Variants in PRKCB observed in about 807,000 individuals in gnomAD.
The protein encoded by PRKCB is protein kinase C beta, also known as protein kinase C beta type.
In PRKCB, 13 loss-of-function variants were observed where a neutral mutation model predicts 81.5. That is an observed-to-expected ratio of 0.16 (90% CI 0.10 to 0.25). PRKCB has a LOEUF of 0.25. PRKCB is among the 10% of genes least tolerant of loss of function. The pLI is 1.00. For missense variants in PRKCB, 509 were observed against 875.7 expected (o/e 0.58, Z 5.29); for synonymous variants, 335 against 321.4 (o/e 1.04, Z -0.45).
intron 2 of PRKCB, among the ~76,000 whole-genome samples, chr16:23,885,691 G>C (rs967250588): frequency 6.6e-6 from 1 of 152,120 alleles, no homozygotes; most frequent in Admixed American, 6.6e-5. Context: ...AAGCTACCCA[G>C]CTCCTTCCCC....
chr16:24,184,488 C>T (rs1429372605), intron 13 of PRKCB, among the ~76,000 whole-genome samples: 1 of 151,658 alleles, frequency 6.6e-6, no homozygotes, highest in African/African-American at 2.4e-5. Flanking sequence ...GAAAAAAAAT[C>T]GTCCAAATAC....
At chr16:24,069,198 G>C (rs1966077223) in intron 5 of PRKCB, among the ~76,000 whole-genome samples, 1 of 152,194 alleles carries the variant, frequency 6.6e-6, no homozygotes, top group Admixed American at 6.5e-5. Context: ...ATTTGGTATA[G>C]AAAGTGGCTT....
intron 2 of PRKCB, among the ~76,000 whole-genome samples, chr16:23,892,681 G>A (rs940913465): frequency 2.2e-4 from 34 of 152,090 alleles, no homozygotes; most frequent in African/African-American, 6.5e-4. Flanking sequence ...AGTGCCTACC[G>A]GTATACAGCA....
intron 5 of PRKCB, among the ~76,000 whole-genome samples, chr16:24,047,067 G>A (rs547168871): frequency 4.6e-4 from 70 of 152,144 alleles, no homozygotes; most frequent in African/African-American, 1.3e-3. Context: ...GGCAGGGTGC[G>A]GTGGCTCATG....
At chr16:24,023,454 T>C (rs978401879) in intron 3 of PRKCB, among the ~76,000 whole-genome samples, 13 of 152,196 alleles carry the variant, frequency 8.5e-5, no homozygotes, top group African/African-American at 2.7e-4. Flanking sequence ...CTGCAAGCTC[T>C]GCCTCCCAGG....
intron 2 of PRKCB, among the ~76,000 whole-genome samples, chr16:23,921,071 A>G (rs1963818013): frequency 6.6e-6 from 1 of 152,160 alleles, no homozygotes; most frequent in Non-Finnish European, 1.5e-5. Flanking sequence ...ATTCACTACC[A>G]TGAGAACAGT....
At chr16:24,109,161 AC>A in intron 7 of PRKCB, among the ~76,000 whole-genome samples, 1 of 85,626 alleles carries the variant, frequency 1.2e-5, no homozygotes, top group African/African-American at 4.4e-5. Flanking sequence ...CGGGGGGCTG[AC>A]CCCCCCACCT....
chr16:24,125,631 T>C (rs1966842165), intron 9 of PRKCB, among the ~76,000 whole-genome samples: 3 of 152,208 alleles, frequency 2.0e-5, no homozygotes, highest in Non-Finnish European at 4.4e-5. Flanking sequence ...TCCTTGTTGA[T>C]TTTTTCTCTC....
chr16:24,025,646 G>A (rs180972361), intron 3 of PRKCB, among the ~76,000 whole-genome samples: 1 of 152,346 alleles, frequency 6.6e-6, no homozygotes, highest in East Asian at 1.9e-4. Flanking sequence ...TAGAATATAA[G>A]TTCCATGAAA....
At chr16:23,972,797 C>T (rs990147613) in intron 2 of PRKCB, among the ~76,000 whole-genome samples, 13 of 152,272 alleles carry the variant, frequency 8.5e-5, no homozygotes, top group African/African-American at 2.9e-4. Context: ...CAATTAAATA[C>T]TGAGCTCCTG....
chr16:24,019,427 T>C (rs1432979776), intron 3 of PRKCB, among the ~76,000 whole-genome samples: 2 of 152,200 alleles, frequency 1.3e-5, no homozygotes, highest in Non-Finnish European at 2.9e-5. Flanking sequence ...CCATGTAATA[T>C]ACACACCTCA....
In PRKCB at chr16:24,089,631, G is replaced by A. The variant is rs1398034626; in HGVS notation, c.530-3160G>A. Among the ~76,000 whole-genome samples the A allele has an allele frequency of 2.0e-5, 3 of 152,032 alleles. No individual in the cohort carries two copies. In the East Asian group the frequency reaches 5.8e-4, roughly 29 times the overall value. On this transcript the variant is annotated intron_variant, in intron 5 of 16. Coordinates refer to ENST00000643927, the MANE Select transcript of PRKCB (RefSeq NM_002738.7). ...CAAAAATTTTTTTAAAAATTAGTTA[G>A]GCATAGGTTGGCAAGCACCTGTAGT... is the stretch of plus-strand genomic sequence containing the variant.
intron 2 of PRKCB, among the ~76,000 whole-genome samples, chr16:23,926,494 TAATA>T (rs941220320): frequency 2.6e-5 from 4 of 151,268 alleles, no homozygotes; most frequent in East Asian, 1.9e-4. Context: ...AAAAAATAAA[TAATA>T]AATAAATAAA....
At chr16:24,078,143 G>A (rs1267709164) in intron 5 of PRKCB, among the ~76,000 whole-genome samples, 1 of 152,254 alleles carries the variant, frequency 6.6e-6, no homozygotes, top group Non-Finnish European at 1.5e-5. Flanking sequence ...CGACTCTGCA[G>A]CTCCAGGGAC....
At position 24,088,051 on chromosome 16, in the gene PRKCB, A is replaced by G. The variant is rs527957048; in HGVS notation, c.530-4740A>G. Among the ~76,000 whole-genome samples, 8 of 152,338 alleles carry G rather than the reference A, an allele frequency of 5.3e-5. No homozygotes were observed. The South Asian group carries it at 1.2e-3, about 24-fold the overall frequency. ...GTTTCAACAAAGATAGTAAAGAAAC[A>G]TTTATCAAGAAAAATCAAAGTCGGT... On this transcript the variant is annotated intron_variant, in intron 5 of 16. Coordinates refer to ENST00000643927, the MANE Select transcript of PRKCB (RefSeq NM_002738.7).
At chr16:23,959,958 T>C (rs577538609) in intron 2 of PRKCB, among the ~76,000 whole-genome samples, 9 of 152,258 alleles carry the variant, frequency 5.9e-5, no homozygotes, top group Admixed American at 2.6e-4. Flanking sequence ...ACCCTTCCAT[T>C]TCATTGCATT....
intron 9 of PRKCB, among the ~76,000 whole-genome samples, chr16:24,129,973 A>G (rs1261856245): frequency 2.0e-5 from 3 of 152,208 alleles, no homozygotes; most frequent in Non-Finnish European, 4.4e-5. Flanking sequence ...CACAAGTAAC[A>G]TTTGACTGTA....
chr16:24,170,190 T>C (rs2141964666), intron 10 of PRKCB, among the ~76,000 whole-genome samples: 1 of 152,312 alleles, frequency 6.6e-6, no homozygotes, highest in East Asian at 1.9e-4. Context: ...GTTGGTTTTG[T>C]TCACTGCTCT....
At chr16:23,992,108 A>G (rs1964893446) in intron 3 of PRKCB, among the ~76,000 whole-genome samples, 1 of 152,248 alleles carries the variant, frequency 6.6e-6, no homozygotes, top group Non-Finnish European at 1.5e-5. Flanking sequence ...ACAGTTGTGT[A>G]TGAGAAAGTG....
Sources: gnomAD v4.1 joint callset for allele counts (sites outside exome capture counted in the v4.1 genomes callset) on GRCh38, gnomAD v4.1.1 for gene constraint, MANE v1.5 for transcripts, NCBI Gene and HGNC (gene_info 2026-07-23, HGNC 2026-07-21) for gene names.